The following SERP2 variants were observed in gnomAD, a reference collection of about 807,000 sequenced individuals.
SERP2 encodes the protein stress-associated endoplasmic reticulum protein 2.
SERP2 carries 6 observed loss-of-function variants against 9.1 expected under a neutral mutation model. The observed-to-expected ratio is 0.66, with a 90% CI of 0.36 to 1.30. The LOEUF (loss-of-function observed/expected upper bound fraction) is 1.30, where lower values mean the gene tolerates loss of function less well. Among genes scored for constraint, SERP2 ranks in the 50% most tolerant of loss-of-function variants. The probability of loss-of-function intolerance (pLI) is 0.03; values close to 1 mark genes in which losing one functional copy is unlikely to be tolerated. For synonymous variants in SERP2, 37 were observed against 27.3 expected (o/e 1.35, Z -1.10); for missense variants, 58 against 81.9 (o/e 0.71, Z 1.13).
intron 2 of SERP2, among the ~76,000 whole-genome samples, chr13:44,387,776 C>G (rs981623627): frequency 3.3e-5 from 5 of 152,192 alleles, no homozygotes; most frequent in African/African-American, 1.2e-4. Context: ...TTCCCATCAT[C>G]CTTTGACTCT....
rs375066449 is a variant in SERP2 at position 44,374,133 on chromosome 13, A to G, written c.84+24A>G. On this transcript the variant is annotated intron_variant, in intron 1 of 2. Transcript: ENST00000379179. The stretch of plus-strand genomic sequence containing the variant: ...TGGTAAGGCGGGGTCGGCGCCGGCC[A>G]GGCAGAGCCCTGCAGCCCGGCGGGG... 782 of 1,140,382 alleles carry G rather than the reference A, an allele frequency of 6.9e-4. 4 individuals are homozygous for G. In the Admixed American group the frequency reaches 0.018, roughly 26 times the overall value. 70.6% of individuals were successfully genotyped at this position (1,140,382 alleles called of 1,614,324 possible).
chr13:44,374,177 C>CGGGGGGGGTGGGGGGGGTGGGGGGGGG, intron 1 of SERP2, 68 bp downstream of exon 1: 4 of 151,760 alleles, frequency 2.6e-5, no homozygotes, highest in Non-Finnish European at 3.6e-5. Flanking sequence ...AAGGTGGGGG[C>CGGGGGGGGTGGGGGGGGTGGGGGGGGG]GGGGCCGGGC....
At chr13:44,382,071 G>C (rs1398009068) in intron 2 of SERP2, among the ~76,000 whole-genome samples, 1 of 151,920 alleles carries the variant, frequency 6.6e-6, no homozygotes, top group Non-Finnish European at 1.5e-5. Flanking sequence ...TAGATATCTA[G>C]TTGACCTTTT....
At chr13:44,389,277 A>G (rs1316153640) in intron 2 of SERP2, among the ~76,000 whole-genome samples, 2 of 152,028 alleles carry the variant, frequency 1.3e-5, no homozygotes, top group East Asian at 3.9e-4. Context: ...TGTATTTGAA[A>G]CCACCTACTA....
At chr13:44,388,204 TG>T (rs1872428738) in intron 2 of SERP2, among the ~76,000 whole-genome samples, 1 of 152,088 alleles carries the variant, frequency 6.6e-6, no homozygotes, top group Admixed American at 6.5e-5. Context: ...AAACAGCAGC[TG>T]TTCTGGTTGA....
chr13:44,382,566 C>T (rs1005938217), intron 2 of SERP2, among the ~76,000 whole-genome samples: 9 of 152,058 alleles, frequency 5.9e-5, no homozygotes, highest in Non-Finnish European at 1.0e-4. Context: ...TATGACCAGT[C>T]TGTAGATTGT....
At chr13:44,394,122 T>C (rs981257307) in intron 2 of SERP2, among the ~76,000 whole-genome samples, 2 of 151,956 alleles carry the variant, frequency 1.3e-5, no homozygotes, top group Non-Finnish European at 2.9e-5. Flanking sequence ...TTATCTTAGA[T>C]TCTTTCTATT....
chr13:44,374,752 C>T (rs1414684876), intron 1 of SERP2, among the ~76,000 whole-genome samples: 1 of 152,088 alleles, frequency 6.6e-6, no homozygotes, highest in Non-Finnish European at 1.5e-5. Context: ...CCCACATTCC[C>T]TCCAGCCTCT....
intron 2 of SERP2, among the ~76,000 whole-genome samples, chr13:44,383,026 A>C (rs1458681967): frequency 1.3e-5 from 2 of 152,194 alleles, no homozygotes; most frequent in African/African-American, 4.8e-5. Context: ...AAACAGCCAG[A>C]CAAAGGGTGT....
chr13:44,395,821 A>G (rs770764440), intron 2 of SERP2: 3 of 457,116 alleles, frequency 6.6e-6, no homozygotes, highest in South Asian at 4.7e-5. Context: ...ACAAAATAAT[A>G]GTACAGGACC....
At chr13:44,384,320 C>T (rs568457724) in intron 2 of SERP2, among the ~76,000 whole-genome samples, 1 of 152,300 alleles carries the variant, frequency 6.6e-6, no homozygotes, top group South Asian at 2.1e-4. Flanking sequence ...GTTTTAGGGT[C>T]ACAGGCCATA....
At chr13:44,379,329 A>AT (rs1871831037) in intron 1 of SERP2, among the ~76,000 whole-genome samples, 1 of 152,222 alleles carries the variant, frequency 6.6e-6, no homozygotes, top group Non-Finnish European at 1.5e-5. Flanking sequence ...GAAAGTTATT[A>AT]TTAATATCAT....
chr13:44,381,482 C>T (rs1160310063), intron 2 of SERP2, among the ~76,000 whole-genome samples: 2 of 152,168 alleles, frequency 1.3e-5, no homozygotes, highest in Non-Finnish European at 2.9e-5. Context: ...GTGGAGCTTG[C>T]AGTGAGCCGA....
intron 2 of SERP2, among the ~76,000 whole-genome samples, chr13:44,393,828 G>A (rs2138799098): frequency 6.6e-6 from 1 of 152,278 alleles, no homozygotes; most frequent in East Asian, 1.9e-4. Flanking sequence ...ATTAGAATGT[G>A]TAAGTTTTCT....
Position 44,373,887 on chromosome 13 carries a change from G to A in SERP2, c.-139G>A. 1 of 658,902 alleles carries A rather than the reference G, an allele frequency of 1.5e-6. No homozygotes were observed. Among genetic ancestry groups the A allele is most frequent in the Non-Finnish European group, 2.5e-6 (1 of 400,764 alleles). 40.8% of individuals were successfully genotyped at this position (658,902 alleles called of 1,614,324 possible). On this transcript the variant is annotated 5_prime_UTR_variant, in exon 1 of 3. Coordinates refer to ENST00000379179, the MANE Select transcript of SERP2 (RefSeq NM_001010897.3). This position sits in a 1 kb window ranked among gnomAD's most constrained non-coding sequence, Gnocchi z 4.8. ...AGCCGGGGCTCGGGGAGCGGGGTGCGCAGGGCTCGGGGCCACGCCTTGCCA... is the reference window on the plus strand; with the variant it reads ...AGCCGGGGCTCGGGGAGCGGGGTGCACAGGGCTCGGGGCCACGCCTTGCCA...
intron 1 of SERP2, among the ~76,000 whole-genome samples, chr13:44,375,819 G>T (rs1412662091): frequency 6.6e-6 from 1 of 152,142 alleles, no homozygotes; most frequent in Non-Finnish European, 1.5e-5. Context: ...GCCACCTCAA[G>T]TTCTTCAAGA....
At chr13:44,390,570 T>C in intron 2 of SERP2, 1 of 381,376 alleles carries the variant, frequency 2.6e-6, no homozygotes, top group South Asian at 1.9e-5. Flanking sequence ...AGCCATCAGC[T>C]CCCTTAAGGT....
intron 2 of SERP2, among the ~76,000 whole-genome samples, chr13:44,388,636 C>G (rs1442243904): frequency 6.6e-6 from 1 of 152,226 alleles, no homozygotes; most frequent in African/African-American, 2.4e-5. Flanking sequence ...ACAGGCGGCA[C>G]TTTCCCCCTG....
chr13:44,382,865 T>C (rs1872080064), intron 2 of SERP2, among the ~76,000 whole-genome samples: 1 of 152,218 alleles, frequency 6.6e-6, no homozygotes, highest in African/African-American at 2.4e-5. Context: ...ATAAGGAAGC[T>C]GTCAGTTGCA....
Sources: gnomAD v4.1 joint callset for allele counts (sites outside exome capture counted in the v4.1 genomes callset) on GRCh38, gnomAD v4.1.1 for gene constraint, Gnocchi (gnomAD v3.1) non-coding constraint, MANE v1.5 for transcripts, NCBI Gene and HGNC (gene_info 2026-07-23, HGNC 2026-07-21) for gene names.